LINGO2: variants seen among roughly 807,000 people sequenced by gnomAD.
LINGO2 encodes leucine-rich repeat and immunoglobulin-like domain-containing nogo receptor-interacting protein 2.
A neutral mutation model predicts 30.6 loss-of-function variants in LINGO2; 14 were observed. The ratio of observed to expected loss-of-function variants is 0.46; its 90% CI spans 0.30 to 0.72. The LOEUF is 0.72. Among genes scored for constraint, LINGO2 ranks in the 30% least tolerant of loss-of-function variants. The pLI is 0.07. For synonymous variants in LINGO2, 317 were observed against 288.5 expected, an observed-to-expected ratio of 1.10 and a Z score of -1.00; for missense variants, 729 against 751.7, an observed-to-expected ratio of 0.97 and a Z score of 0.35.
chr9:28,370,170 G>A (rs1318826594), intron 3 of LINGO2, among the ~76,000 whole-genome samples: 1 of 151,996 alleles, frequency 6.6e-6, no homozygotes, highest in African/African-American at 2.4e-5. Context: ...TTATTCTAAC[G>A]TTTAGCCTCT....
chr9:28,443,474 C>T (rs527820811), intron 2 of LINGO2, among the ~76,000 whole-genome samples: 15 of 152,320 alleles, frequency 9.8e-5, no homozygotes, highest in South Asian at 6.2e-4. Flanking sequence ...TCTAGACTCA[C>T]GCATCCTTGT....
intron 4 of LINGO2, among the ~76,000 whole-genome samples, chr9:28,205,532 G>C (rs993680053): frequency 1.3e-5 from 2 of 152,074 alleles, no homozygotes; most frequent in African/African-American, 4.8e-5. Context: ...TCTCTAACTA[G>C]AATGTTAACT....
chr9:28,195,380 T>C, intron 4 of LINGO2, among the ~76,000 whole-genome samples: 1 of 151,324 alleles, frequency 6.6e-6, no homozygotes, highest in East Asian at 1.9e-4. Flanking sequence ...AATAACAAGA[T>C]GGTGAGCGAC....
rs752778212 is a variant in LINGO2, at chr9:28,433,966, T to TATATATATATATATATATATATATAC, written c.-279+41973_-279+41974insGTATATATATATATATATATATATAT. 1.9e-3 allele frequency among the ~76,000 whole-genome samples: 188 copies of TATATATATATATATATATATATATAC among 99,640 alleles called. 5 individuals are homozygous for TATATATATATATATATATATATATAC. Among genetic ancestry groups the TATATATATATATATATATATATATAC allele is most frequent in the Middle Eastern group, 0.011 (2 of 190 alleles). The allele number at this position is 99,640 out of a possible 152,430, so 65.4% of individuals were successfully genotyped here. On this transcript the variant is annotated intron_variant, in intron 2 of 5. Coordinates refer to ENST00000379992, the Ensembl canonical transcript of LINGO2. ...CTCTCTCTCTATATATATATATATA[T>TATATATATATATATATATATATATAC]ACACACACACACATGAAAATACTAC...
chr9:28,386,311 C>T (rs1049567460), intron 2 of LINGO2, among the ~76,000 whole-genome samples: 3 of 152,154 alleles, frequency 2.0e-5, no homozygotes, highest in Admixed American at 6.5e-5. Context: ...TCATTTGCAA[C>T]TAAGACACTA....
the LINGO2 span, among the ~76,000 whole-genome samples, chr9:29,162,254 C>T: frequency 1.3e-5 from 2 of 152,044 alleles, no homozygotes; most frequent in Non-Finnish European, 2.9e-5. Context: ...AAAAGATAAC[C>T]ATTCATCCAC....
At chr9:28,096,587 C>T (rs1019501501) in intron 4 of LINGO2, among the ~76,000 whole-genome samples, 1 of 152,046 alleles carries the variant, frequency 6.6e-6, no homozygotes, top group Non-Finnish European at 1.5e-5. Context: ...AGAGACAGCA[C>T]TAATGACTAC....
chr9:28,860,616 T>C, the LINGO2 span, among the ~76,000 whole-genome samples: 1 of 151,646 alleles, frequency 6.6e-6, no homozygotes, highest in African/African-American at 2.4e-5. Flanking sequence ...AGTCTTTATT[T>C]CTCTCTCTAT....
At chr9:28,573,350 C>T (rs1168350196) in intron 1 of LINGO2, among the ~76,000 whole-genome samples, 5 of 152,090 alleles carry the variant, frequency 3.3e-5, no homozygotes, top group Admixed American at 3.3e-4. Flanking sequence ...ACACTAATTG[C>T]ATATTTAATT....
chr9:28,698,946 G>C, the LINGO2 span, among the ~76,000 whole-genome samples: 1 of 151,968 alleles, frequency 6.6e-6, no homozygotes, highest in African/African-American at 2.4e-5. Context: ...GGAGGCTAAG[G>C]TGGGAGGTTC....
chr9:28,900,784 A>C, the LINGO2 span, among the ~76,000 whole-genome samples: 1 of 152,224 alleles, frequency 6.6e-6, no homozygotes, highest in Non-Finnish European at 1.5e-5. Flanking sequence ...AATCAGAGAA[A>C]CATGACATAC....
chr9:28,528,703 C>G (rs1821118877), intron 1 of LINGO2, among the ~76,000 whole-genome samples: 1 of 151,974 alleles, frequency 6.6e-6, no homozygotes, highest in Admixed American at 6.6e-5. Flanking sequence ...TCCTTACTAT[C>G]TACTAAATAC....
chr9:28,914,851 C>T, the LINGO2 span, among the ~76,000 whole-genome samples: 6 of 152,076 alleles, frequency 3.9e-5, no homozygotes, highest in Admixed American at 3.9e-4. Flanking sequence ...TAGTCACAAA[C>T]GCTGGGTGCG....
chr9:28,274,990 T>C (rs1225126692), intron 4 of LINGO2, among the ~76,000 whole-genome samples: 1 of 152,186 alleles, frequency 6.6e-6, no homozygotes, highest in East Asian at 1.9e-4. Context: ...TTCCTGTCAG[T>C]ATGAGTATCT....
At chr9:29,007,306 T>C in the LINGO2 span, among the ~76,000 whole-genome samples, 1 of 152,120 alleles carries the variant, frequency 6.6e-6, no homozygotes, top group Non-Finnish European at 1.5e-5. Flanking sequence ...CTTTATTTAG[T>C]ACATCCAGAT....
At chr9:27,996,437 A>G (rs1821666100) in intron 5 of LINGO2, among the ~76,000 whole-genome samples, 1 of 152,224 alleles carries the variant, frequency 6.6e-6, no homozygotes, top group Non-Finnish European at 1.5e-5. Context: ...TACATACTGG[A>G]ATACTATTCA....
intron 4 of LINGO2, among the ~76,000 whole-genome samples, chr9:28,013,795 G>A (rs1822679986): frequency 1.3e-5 from 2 of 152,062 alleles, no homozygotes; most frequent in Admixed American, 1.3e-4. Context: ...AAGTTCAAGG[G>A]AATTTATTAC....
intron 4 of LINGO2, among the ~76,000 whole-genome samples, chr9:28,144,235 T>C: frequency 6.6e-6 from 1 of 152,208 alleles, no homozygotes; most frequent in East Asian, 1.9e-4. Flanking sequence ...AAATGGCATA[T>C]ATAATTTCAA....
intron 4 of LINGO2, among the ~76,000 whole-genome samples, chr9:28,027,453 A>C (rs1340397897): frequency 6.6e-6 from 1 of 151,146 alleles, no homozygotes; most frequent in Non-Finnish European, 1.5e-5. Flanking sequence ...TGAACTACAC[A>C]TAATCACAAA....
Sources: gnomAD v4.1 joint callset for allele counts (sites outside exome capture counted in the v4.1 genomes callset) on GRCh38, gnomAD v4.1.1 for gene constraint, MANE v1.5 for transcripts, NCBI Gene and HGNC (gene_info 2026-07-23, HGNC 2026-07-21) for gene names.